Variants in VWC2 observed in about 807,000 individuals in gnomAD.
VWC2 encodes the protein brorin.
Under a neutral mutation model 29.8 loss-of-function variants are expected in VWC2, and 14 were observed. The observed-to-expected ratio is 0.47, with a 90% CI of 0.31 to 0.74. The LOEUF (loss-of-function observed/expected upper bound fraction) is 0.74, where lower values mean the gene tolerates loss of function less well. Among genes scored for constraint, VWC2 ranks in the 30% least tolerant of loss-of-function variants. VWC2 has a pLI of 0.05. For missense variants in VWC2, 457 were observed against 459.8 expected, an observed-to-expected ratio of 0.99 and a Z score of 0.05; for synonymous variants, 213 against 199.0, an observed-to-expected ratio of 1.07 and a Z score of -0.59.
At chr7:49,877,474 AAAAAAAAATATATAT>A (rs1562747566) in intron 3 of VWC2, among the ~76,000 whole-genome samples, 2 of 46,300 alleles carry the variant, frequency 4.3e-5, no homozygotes, top group African/African-American at 2.1e-4. Flanking sequence ...AAAAAAAAAA[AAAAAAAAATATATAT>A]ATATATATAT....
intron 3 of VWC2, among the ~76,000 whole-genome samples, chr7:49,807,733 T>C (rs1788911095): frequency 6.6e-6 from 1 of 152,152 alleles, no homozygotes; most frequent in South Asian, 2.1e-4. Flanking sequence ...TAAAAGAACA[T>C]TAAAAGCACT....
At chr7:49,786,913 C>T (rs1788313755) in intron 2 of VWC2, among the ~76,000 whole-genome samples, 1 of 152,098 alleles carries the variant, frequency 6.6e-6, no homozygotes, top group Non-Finnish European at 1.5e-5. Flanking sequence ...ATATTTTCTC[C>T]CATTCTGTAG....
intron 3 of VWC2, among the ~76,000 whole-genome samples, chr7:49,821,104 G>A (rs1407995624): frequency 1.3e-5 from 2 of 151,778 alleles, no homozygotes; most frequent in East Asian, 3.9e-4. Flanking sequence ...TTTCCATTTT[G>A]CAACTAATCC....
intron 3 of VWC2, among the ~76,000 whole-genome samples, chr7:49,863,152 G>A (rs1790728016): frequency 6.6e-6 from 1 of 152,140 alleles, no homozygotes; most frequent in Admixed American, 6.5e-5. Context: ...ACTTGTTATA[G>A]GTGTTTTGTT....
At position 49,817,374 on chromosome 7, in the gene VWC2, G is replaced by A. The variant is rs116999737; in HGVS notation, c.826+14534G>A. Among the ~76,000 whole-genome samples, 69 of 152,306 alleles carry A rather than the reference G, an allele frequency of 4.5e-4. No individual in the cohort carries two copies. The East Asian group carries it at 0.013, about 29-fold the overall frequency. On this transcript the variant is annotated intron_variant, in intron 3 of 3. Transcript: ENST00000340652. ...ATGGCACCATTACCAGAGGTAACTT[G>A]AATTGCATCCAAAACACTTACATGG...
chr7:49,916,213 C>T lies in VWC2; in HGVS notation c.*4028C>T, dbSNP rs1793716361. 6.6e-6 allele frequency: 1 copy of T among 152,182 alleles called. No homozygotes were observed. Among genetic ancestry groups the T allele is most frequent in the Admixed American group, 6.5e-5 (1 of 15,282 alleles). 9.4% of individuals were successfully genotyped at this position (152,182 alleles called of 1,614,324 possible). Reference sequence around the variant, plus strand: ...CTGAATTCTTTGAGGATCGCAATCACACACAAAATAACATCCAAACTCCTC... The same window carrying T: ...CTGAATTCTTTGAGGATCGCAATCATACACAAAATAACATCCAAACTCCTC... On this transcript the variant is annotated 3_prime_UTR_variant, in exon 4 of 4. Coordinates refer to ENST00000340652, the MANE Select transcript of VWC2 (RefSeq NM_198570.5).
intron 1 of VWC2, among the ~76,000 whole-genome samples, chr7:49,774,749 G>A (rs1240420836): frequency 6.6e-6 from 1 of 152,236 alleles, no homozygotes; most frequent in Non-Finnish European, 1.5e-5. Flanking sequence ...AGAGAGCGGG[G>A]AGGGGGCGTC....
chr7:49,878,306 A>G (rs1415681817), intron 3 of VWC2, among the ~76,000 whole-genome samples: 1 of 152,116 alleles, frequency 6.6e-6, no homozygotes, highest in Non-Finnish European at 1.5e-5. Flanking sequence ...TCACATATTT[A>G]TGATTGTGTG....
At chr7:49,827,583 G>A (rs1431079556) in intron 3 of VWC2, among the ~76,000 whole-genome samples, 1 of 151,898 alleles carries the variant, frequency 6.6e-6, no homozygotes. Flanking sequence ...GTAATTGCAT[G>A]TTATTAAATT....
intron 3 of VWC2, among the ~76,000 whole-genome samples, chr7:49,888,536 G>GT (rs1791993920): frequency 6.6e-6 from 1 of 152,180 alleles, no homozygotes; most frequent in South Asian, 2.1e-4. Flanking sequence ...ACTGGCTTCA[G>GT]TATCTGAGAT....
chr7:49,797,722 G>C (rs967918119), intron 2 of VWC2, among the ~76,000 whole-genome samples: 1 of 152,274 alleles, frequency 6.6e-6, no homozygotes, highest in Admixed American at 6.5e-5. Flanking sequence ...TGAACACATA[G>C]AGAATGTCTT....
intron 3 of VWC2, among the ~76,000 whole-genome samples, chr7:49,822,213 T>C (rs1297133316): frequency 6.6e-6 from 1 of 152,202 alleles, no homozygotes; most frequent in African/African-American, 2.4e-5. Context: ...AAACTCTAGC[T>C]TTTGAAGTTT....
intron 2 of VWC2, among the ~76,000 whole-genome samples, chr7:49,778,036 C>A (rs908955770): frequency 1.3e-5 from 2 of 150,794 alleles, no homozygotes; most frequent in Non-Finnish European, 2.9e-5. Flanking sequence ...ATTAGTAGCA[C>A]TTTGATCTAG....
In VWC2 at chr7:49,775,367, C is replaced by T. The variant is rs1429958877; in HGVS notation, c.-69C>T. 3.2e-6 allele frequency: 4 copies of T among 1,264,672 alleles called. No individual in the cohort carries two copies. Among genetic ancestry groups the T allele is most frequent in the East Asian group, 3.2e-5 (1 of 31,364 alleles). 78.3% of individuals were successfully genotyped at this position (1,264,672 alleles called of 1,614,324 possible). Reference sequence around the variant, plus strand: ...CTCCCGGCTGGCGGCGGCGCGCCCCCGGGCTGTGAATGCGACTCGCCCCTC... The same window carrying T: ...CTCCCGGCTGGCGGCGGCGCGCCCCTGGGCTGTGAATGCGACTCGCCCCTC... On this transcript the variant is annotated 5_prime_UTR_variant, in exon 2 of 4. Transcript: ENST00000340652.
intron 3 of VWC2, among the ~76,000 whole-genome samples, chr7:49,899,785 G>C (rs771033027): frequency 6.1e-4 from 93 of 151,986 alleles, no homozygotes; most frequent in Non-Finnish European, 3.8e-4. Flanking sequence ...AAATCAGTAA[G>C]GACATAGTTG....
At chr7:49,882,879 G>A (rs1254125286) in intron 3 of VWC2, among the ~76,000 whole-genome samples, 1 of 151,810 alleles carries the variant, frequency 6.6e-6, no homozygotes, top group Admixed American at 6.6e-5. Context: ...TGTTGTTGTT[G>A]TTGTTGTTTT....
intron 2 of VWC2, among the ~76,000 whole-genome samples, chr7:49,799,277 G>C (rs545291730): frequency 6.6e-6 from 1 of 152,348 alleles, no homozygotes; most frequent in African/African-American, 2.4e-5. Context: ...AGGACAGCCC[G>C]CCTGCAGGAG....
At chr7:49,905,091 T>G (rs1021145560) in intron 3 of VWC2, among the ~76,000 whole-genome samples, 2 of 151,802 alleles carry the variant, frequency 1.3e-5, no homozygotes, top group Non-Finnish European at 3.0e-5. Flanking sequence ...TAAAAATCAC[T>G]TAAGATGAAG....
At chr7:49,813,941 G>A (rs1327509248) in intron 3 of VWC2, among the ~76,000 whole-genome samples, 1 of 152,042 alleles carries the variant, frequency 6.6e-6, no homozygotes, top group Non-Finnish European at 1.5e-5. Flanking sequence ...GCTGAAGCCT[G>A]GAGGAAATGA....
Sources: allele counts gnomAD v4.1 joint callset (sites outside exome capture counted in the v4.1 genomes callset), GRCh38; gene constraint gnomAD v4.1.1; transcripts MANE v1.5; gene names NCBI Gene and HGNC (gene_info 2026-07-23, HGNC 2026-07-21).